Variants in TCF4 observed in about 807,000 individuals in gnomAD.
TCF4 encodes the protein transcription factor 4.
TCF4 carries 3 observed loss-of-function variants against 82.1 expected under a neutral mutation model. The ratio of observed to expected loss-of-function variants is 0.04; its 90% confidence interval spans 0.02 to 0.09. TCF4 has a LOEUF of 0.09. Among genes scored for constraint, TCF4 ranks in the 10% least tolerant of loss-of-function variants. The pLI is 1.00. For missense variants in TCF4, 518 were observed against 852.7 expected (o/e 0.61, Z 4.89); for synonymous variants, 276 against 309.6 (o/e 0.89, Z 1.14).
intron 5 of TCF4, among the ~76,000 whole-genome samples, chr18:55,415,450 T>C (rs1290587629): frequency 2.0e-5 from 3 of 152,254 alleles, no homozygotes; most frequent in South Asian, 4.1e-4. Context: ...TCAGTTCCTA[T>C]GTGAGCAGCC....
At chr18:55,548,712 T>C (rs1417580992) in intron 3 of TCF4, among the ~76,000 whole-genome samples, 1 of 152,208 alleles carries the variant, frequency 6.6e-6, no homozygotes, top group East Asian at 1.9e-4. Flanking sequence ...GCTACAAACC[T>C]GCACAGCATG....
chr18:55,447,805 T>A (rs980405260), intron 5 of TCF4, among the ~76,000 whole-genome samples: 7 of 152,118 alleles, frequency 4.6e-5, no homozygotes, highest in Non-Finnish European at 1.0e-4. Context: ...ACTTCCTCTA[T>A]GTCTGAAAAT....
At chr18:55,599,489 G>C (rs1410876047) in intron 2 of TCF4, among the ~76,000 whole-genome samples, 1 of 152,238 alleles carries the variant, frequency 6.6e-6, no homozygotes, top group African/African-American at 2.4e-5. Flanking sequence ...GGGAGGCCGA[G>C]GCGGGCAGAT....
At chr18:55,334,397 A>G (rs2078212778) in intron 8 of TCF4, among the ~76,000 whole-genome samples, 1 of 152,142 alleles carries the variant, frequency 6.6e-6, no homozygotes, top group Non-Finnish European at 1.5e-5. Context: ...TTATAGGAGA[A>G]AAAATTCTGC....
chr18:55,443,054 C>A (rs1293650888), intron 5 of TCF4, among the ~76,000 whole-genome samples: 1 of 152,152 alleles, frequency 6.6e-6, no homozygotes, highest in Non-Finnish European at 1.5e-5. Context: ...TGCTGATGAC[C>A]CTGCTGGCTT....
chr18:55,407,173 A>G (rs992431119), intron 5 of TCF4, among the ~76,000 whole-genome samples: 1 of 152,128 alleles, frequency 6.6e-6, no homozygotes, highest in East Asian at 1.9e-4. Context: ...CAAATGTTAA[A>G]TTTTGCTGCT....
chr18:55,599,558 T>A (rs1316421890), intron 2 of TCF4, among the ~76,000 whole-genome samples: 1 of 152,084 alleles, frequency 6.6e-6, no homozygotes, highest in African/African-American at 2.4e-5. Context: ...CCGTCTCTAC[T>A]AAAAATACAA....
At chr18:55,366,864 T>C (rs1336145713) in intron 6 of TCF4, among the ~76,000 whole-genome samples, 2 of 152,230 alleles carry the variant, frequency 1.3e-5, no homozygotes, top group African/African-American at 4.8e-5. Flanking sequence ...AGAGCATGCT[T>C]ATACACAAAT....
intron 3 of TCF4, among the ~76,000 whole-genome samples, chr18:55,527,829 T>C (rs1037690485): frequency 6.6e-6 from 1 of 152,098 alleles, no homozygotes; most frequent in Non-Finnish European, 1.5e-5. Flanking sequence ...AAGAGGAAGT[T>C]ATGAAAAGTG....
intron 8 of TCF4, among the ~76,000 whole-genome samples, chr18:55,280,506 A>G (rs1366408065): frequency 6.6e-6 from 1 of 152,138 alleles, no homozygotes; most frequent in African/African-American, 2.4e-5. Context: ...TTTAACTTTA[A>G]TTGGTTTTCC....
chr18:55,322,092 CTTTTT>C (rs374155330), intron 8 of TCF4: 17 of 945,134 alleles, frequency 1.8e-5, no homozygotes, highest in Middle Eastern at 4.8e-4. Context: ...TTTTTCTTTT[CTTTTT>C]TTTTTTCCTT....
chr18:55,486,760 C>T (rs974647267), intron 3 of TCF4, among the ~76,000 whole-genome samples: 17 of 152,142 alleles, frequency 1.1e-4, no homozygotes, highest in Admixed American at 1.1e-3. Flanking sequence ...CAAGACCAGT[C>T]TTATTTCACT....
At chr18:55,555,481 A>G (rs1231726585) in intron 3 of TCF4, among the ~76,000 whole-genome samples, 5 of 152,196 alleles carry the variant, frequency 3.3e-5, no homozygotes, top group African/African-American at 1.2e-4. Flanking sequence ...CGACTTTTAG[A>G]TCTAATAGAA....
At chr18:55,414,160 G>A (rs1603451220) in intron 5 of TCF4, among the ~76,000 whole-genome samples, 2 of 152,288 alleles carry the variant, frequency 1.3e-5, no homozygotes, top group East Asian at 3.9e-4. Context: ...TCTAACAGAG[G>A]TAATAAGGAC....
intron 6 of TCF4, among the ~76,000 whole-genome samples, chr18:55,357,315 G>A (rs1381625257): frequency 6.6e-6 from 1 of 152,064 alleles, no homozygotes; most frequent in Admixed American, 6.6e-5. Flanking sequence ...ATAAAAAATG[G>A]ATTTGAAGAA....
At chr18:55,482,732 T>C (rs2096457830) in intron 3 of TCF4, 1 of 152,202 alleles carries the variant, frequency 6.6e-6, no homozygotes, top group Admixed American at 6.5e-5. Context: ...GTTACCTTGA[T>C]TGCCTTTGAC....
intron 3 of TCF4, chr18:55,479,278 GC>G (rs1342417060): frequency 6.5e-6 from 1 of 153,654 alleles, no homozygotes; most frequent in African/African-American, 2.4e-5. Context: ...TCATTGGACT[GC>G]TGATGGCCCG....
At chr18:55,240,558 A>T (rs896285925) in intron 15 of TCF4, among the ~76,000 whole-genome samples, 6 of 152,222 alleles carry the variant, frequency 3.9e-5, no homozygotes, top group Non-Finnish European at 8.8e-5. Context: ...GCGGTCATGC[A>T]AACTTTTTTA....
intron 9 of TCF4, among the ~76,000 whole-genome samples, chr18:55,277,456 T>C (rs1252660529): frequency 6.6e-6 from 1 of 152,168 alleles, no homozygotes; most frequent in Admixed American, 6.6e-5. Context: ...TGCAGACTTA[T>C]AAAAATACAT....
Sources: gnomAD v4.1 joint callset for allele counts (sites outside exome capture counted in the v4.1 genomes callset) on GRCh38, gnomAD v4.1.1 for gene constraint, MANE v1.5 for transcripts, NCBI Gene and HGNC (gene_info 2026-07-23, HGNC 2026-07-21) for gene names.